The following TMEM117 variants were observed in gnomAD, a reference collection of about 807,000 sequenced individuals.
The protein encoded by TMEM117 is transmembrane protein 117.
In TMEM117, 27 loss-of-function variants were observed where a neutral mutation model predicts 52.4. The ratio of observed to expected loss-of-function variants is 0.51; its 90% CI spans 0.38 to 0.71. The LOEUF (loss-of-function observed/expected upper bound fraction) is 0.71, where lower values mean the gene tolerates loss of function less well. Ranked by LOEUF, TMEM117 falls within the 30% of genes least tolerant of loss-of-function variation. The pLI, the probability that TMEM117 is intolerant of heterozygous loss-of-function variation, is 0.00. For missense variants in TMEM117, 556 were observed against 630.5 expected (o/e 0.88, Z 1.26); for synonymous variants, 215 against 206.3 (o/e 1.04, Z -0.36).
At chr12:44,255,368 AAC>A (rs1287465647) in intron 5 of TMEM117, among the ~76,000 whole-genome samples, 1 of 152,124 alleles carries the variant, frequency 6.6e-6, no homozygotes, top group African/African-American at 2.4e-5. Context: ...GCAGCCAAAA[AAC>A]ACATGAAAAA....
chr12:44,207,913 A>T (rs945657507), intron 4 of TMEM117, among the ~76,000 whole-genome samples: 4 of 152,194 alleles, frequency 2.6e-5, no homozygotes, highest in Non-Finnish European at 4.4e-5. Context: ...CTGTTATTTA[A>T]CTTCATTGAC....
At chr12:43,824,412 G>C in the TMEM117 span, among the ~76,000 whole-genome samples, 1 of 152,214 alleles carries the variant, frequency 6.6e-6, no homozygotes, top group African/African-American at 2.4e-5. Flanking sequence ...CCTGAGGTGA[G>C]TGCCGCTTCC....
chr12:44,339,938 T>C (rs952340660), intron 6 of TMEM117, among the ~76,000 whole-genome samples: 12 of 152,074 alleles, frequency 7.9e-5, no homozygotes, highest in African/African-American at 2.2e-4. Flanking sequence ...GAAATATATA[T>C]GCAAAGTTAG....
chr12:43,844,596 C>T, intron 1 of TMEM117, 28 bp from the exon 2 acceptor site: 1 of 1,563,688 alleles, frequency 6.4e-7, no homozygotes, highest in Non-Finnish European at 8.7e-7. Flanking sequence ...TTTTCCTCCT[C>T]TAACCCTATC....
intron 6 of TMEM117, among the ~76,000 whole-genome samples, chr12:44,361,126 T>G (rs754994408): frequency 4.6e-5 from 7 of 152,160 alleles, no homozygotes; most frequent in Non-Finnish European, 1.0e-4. Context: ...TAATCTAAAG[T>G]TAGATAAATT....
At chr12:44,366,856 T>A (rs1454525314) in intron 6 of TMEM117, among the ~76,000 whole-genome samples, 1 of 152,112 alleles carries the variant, frequency 6.6e-6, no homozygotes, top group African/African-American at 2.4e-5. Flanking sequence ...TTTTGTTTTG[T>A]TTTTTAGAAG....
At chr12:43,800,762 T>G in the TMEM117 span, among the ~76,000 whole-genome samples, 1 of 152,184 alleles carries the variant, frequency 6.6e-6, no homozygotes, top group Non-Finnish European at 1.5e-5. Flanking sequence ...ACTTTTTTTG[T>G]TTTTTGAGAC....
At chr12:43,882,252 G>C (rs1478736483) in intron 2 of TMEM117, among the ~76,000 whole-genome samples, 1 of 151,882 alleles carries the variant, frequency 6.6e-6, no homozygotes, top group East Asian at 1.9e-4. Context: ...CTGAGGTCAG[G>C]AGTTCAAGAT....
At chr12:44,376,352 G>T in intron 6 of TMEM117, 1 of 515,912 alleles carries the variant, frequency 1.9e-6, no homozygotes, top group Non-Finnish European at 3.5e-6. Flanking sequence ...TTCTGTATTG[G>T]TTTCTTATTA....
chr12:44,027,805 A>C (rs1164493508), intron 3 of TMEM117, among the ~76,000 whole-genome samples: 1 of 152,232 alleles, frequency 6.6e-6, no homozygotes, highest in Non-Finnish European at 1.5e-5. Flanking sequence ...GAGAGGAGAC[A>C]TGAGTGTGAG....
chr12:43,881,516 G>A (rs1326083224), intron 2 of TMEM117, among the ~76,000 whole-genome samples: 9 of 152,282 alleles, frequency 5.9e-5, no homozygotes, highest in South Asian at 4.1e-4. Flanking sequence ...AAGTCCGGGC[G>A]TGGAAGCTCA....
intron 3 of TMEM117, among the ~76,000 whole-genome samples, chr12:43,945,765 A>G (rs1301690959): frequency 6.6e-6 from 1 of 152,228 alleles, no homozygotes; most frequent in Non-Finnish European, 1.5e-5. Context: ...TTTCCCCAAT[A>G]GATCAGAAAG....
intron 3 of TMEM117, among the ~76,000 whole-genome samples, chr12:44,083,857 G>T (rs955888548): frequency 6.6e-6 from 1 of 151,684 alleles, no homozygotes; most frequent in African/African-American, 2.4e-5. Flanking sequence ...CTTGTTACAT[G>T]TTTTGTTCAG....
intron 4 of TMEM117, among the ~76,000 whole-genome samples, chr12:44,164,688 G>T (rs910741757): frequency 1.3e-5 from 2 of 152,178 alleles, no homozygotes; most frequent in Non-Finnish European, 2.9e-5. Context: ...GAATTATGGG[G>T]CTACAATCTT....
Position 43,997,114 on chromosome 12 carries a change from G to C in TMEM117, c.410+52772G>C, listed in dbSNP as rs1946044493. On this transcript the variant is annotated intron_variant, in intron 3 of 7. Transcript: ENST00000266534. ...AATACATTTGCTTTAGAAGGGTAAA[G>C]ATTAAAAATCTGAGGCCCTGAGAGA... 2.6e-5 allele frequency among the ~76,000 whole-genome samples: 4 copies of C among 152,174 alleles called. No individual in the cohort carries two copies. In the South Asian group the frequency reaches 8.3e-4, roughly 31 times the overall value.
intron 5 of TMEM117, chr12:44,263,406 G>A (rs1191359337): frequency 6.6e-6 from 1 of 152,060 alleles, no homozygotes; most frequent in African/African-American, 2.4e-5. Flanking sequence ...AGTGTTGGTG[G>A]GAGTATAAAT....
At chr12:43,831,789 A>G (rs1336326474), upstream of TMEM117, among the ~76,000 whole-genome samples, 1 of 151,874 alleles carries the variant, frequency 6.6e-6, no homozygotes, top group African/African-American at 2.4e-5. Context: ...TGATCTGCCC[A>G]CCTCAGCTTT....
rs184971927 is a variant in TMEM117, at chr12:44,035,203, T to C, written c.410+90861T>C. On this transcript the variant is annotated intron_variant, in intron 3 of 7. Coordinates refer to ENST00000266534, the MANE Select transcript of TMEM117 (RefSeq NM_032256.3). ...GTGTGTATCTTCTACTGGCTCTGTT[T>C]CTATTGAGTTCTCTGATTAGTACAG... 1.5e-3 allele frequency among the ~76,000 whole-genome samples: 226 copies of C among 152,312 alleles called. 1 individual carries two copies. The highest frequency in any genetic ancestry group is 5.4e-3 in the African/African-American group (223 of 41,574).
intron 3 of TMEM117, among the ~76,000 whole-genome samples, chr12:44,023,745 G>A (rs1465299361): frequency 1.4e-5 from 2 of 142,502 alleles, no homozygotes; most frequent in African/African-American, 2.6e-5. Context: ...AGATGAGTAG[G>A]TTGCAAAAAT....
Sources: allele counts gnomAD v4.1 joint callset (sites outside exome capture counted in the v4.1 genomes callset), GRCh38; gene constraint gnomAD v4.1.1; transcripts MANE v1.5; gene names NCBI Gene and HGNC (gene_info 2026-07-23, HGNC 2026-07-21).